MCPH1: variants seen among roughly 807,000 people sequenced by gnomAD.
MCPH1 encodes the protein microcephalin 1.
A neutral mutation model predicts 84.5 loss-of-function variants in MCPH1; 104 were observed. That is an observed-to-expected ratio of 1.23 (90% confidence interval 1.05 to 1.45). MCPH1 has a LOEUF of 1.45. MCPH1 is among the 40% of genes most tolerant of loss of function. The probability of loss-of-function intolerance (pLI) is 0.00; values close to 1 mark genes in which losing one functional copy is unlikely to be tolerated. For missense variants in MCPH1, 1,498 were observed against 1,005.7 expected (o/e 1.49, Z -6.62); for synonymous variants, 514 against 366.8 (o/e 1.40, Z -4.58).
chr8:6,585,323 T>C (rs550925279), intron 12 of MCPH1, among the ~76,000 whole-genome samples: 3 of 152,310 alleles, frequency 2.0e-5, no homozygotes, highest in Admixed American at 6.5e-5. Flanking sequence ...CCCAGGAGTT[T>C]CCTGTTTGAA....
chr8:6,595,737 A>G (rs942374912), intron 12 of MCPH1, among the ~76,000 whole-genome samples: 1 of 152,218 alleles, frequency 6.6e-6, no homozygotes, highest in Non-Finnish European at 1.5e-5. Context: ...TGCACTGTCC[A>G]ACAAGGTCTT....
At chr8:6,452,157 G>C (rs1304149799) in intron 8 of MCPH1, among the ~76,000 whole-genome samples, 2 of 152,010 alleles carry the variant, frequency 1.3e-5, no homozygotes, top group Non-Finnish European at 1.5e-5. Context: ...TCTTGCCCTG[G>C]ATCTGGCTCC....
rs1252024553 is a variant in MCPH1, at chr8:6,592,614, C to CTTTTTTTTTTT, written c.2215-28832_2215-28831insTTTTTTTTTTT. ...GTCATCTAGGCTCTCGTTTTTCTTTCTTTTTTTTGTTTTTTTTTTTTTTTT... is the reference window on the plus strand; with the variant it reads ...GTCATCTAGGCTCTCGTTTTTCTTTCTTTTTTTTTTTTTTTTTTTGTTTTTTTTTTTTTTTT... On this transcript the variant is annotated intron_variant, in intron 12 of 13. Transcript: ENST00000344683. 8.1e-4 allele frequency among the ~76,000 whole-genome samples: 53 copies of CTTTTTTTTTTT among 65,468 alleles called. 1 individual carries two copies. The highest frequency in any genetic ancestry group is 1.4e-3 in the East Asian group (2 of 1,394). 42.9% of individuals were successfully genotyped at this position (65,468 alleles called of 152,430 possible).
At chr8:6,427,400 C>G (rs920654195) in intron 3 of MCPH1, among the ~76,000 whole-genome samples, 2 of 152,114 alleles carry the variant, frequency 1.3e-5, no homozygotes, top group African/African-American at 4.8e-5. Flanking sequence ...AAGACAAGGT[C>G]TTGCTTTGTC....
At chr8:6,459,447 G>A (rs538799390) in intron 9 of MCPH1, among the ~76,000 whole-genome samples, 1 of 152,192 alleles carries the variant, frequency 6.6e-6, no homozygotes, top group Admixed American at 6.5e-5. Flanking sequence ...TATGTATAAG[G>A]ACATATTAAG....
intron 13 of MCPH1, chr8:6,626,478 T>TG (rs1238961330): frequency 8.2e-5 from 76 of 925,696 alleles, no homozygotes; most frequent in East Asian, 4.7e-4. Context: ...TGTTTTGTTT[T>TG]TTTTTTTTTT....
intron 12 of MCPH1, among the ~76,000 whole-genome samples, chr8:6,565,054 G>A (rs927252550): frequency 2.0e-5 from 3 of 152,130 alleles, no homozygotes; most frequent in East Asian, 1.9e-4. Context: ...ATACCCATCC[G>A]GACAGTGCAC....
Position 6,414,810 on chromosome 8 carries a change from G to T in MCPH1, c.160G>T (p.Asp54Tyr). ...NKQVTHVIFK[D>Y]GYQSTWDKAQ... ...ACAAGTAACTCACGTTATCTTCAAA[G>T]ATGGCTACCAGAGCACTTGGGACAA... Residue 54 changes from aspartate to tyrosine, a missense_variant, in exon 3 of 14, where the codon GAT becomes TAT. Physicochemically the swap from Asp to Tyr is radical, Grantham distance 160. Coordinates refer to ENST00000344683, the MANE Select transcript of MCPH1 (RefSeq NM_024596.5). The T allele has an allele frequency of 6.2e-7, 1 of 1,613,838 alleles. No homozygotes were observed. The highest frequency in any genetic ancestry group is 8.5e-7 in the Non-Finnish European group (1 of 1,179,916).
At chr8:6,507,545 C>G (rs868637240) in intron 12 of MCPH1, 9 of 147,920 alleles carry the variant, frequency 6.1e-5, no homozygotes, top group Non-Finnish European at 1.3e-4. Context: ...AAACTTTTAA[C>G]AAATCAGAAA....
At chr8:6,561,705 G>C (rs1825566660) in intron 12 of MCPH1, among the ~76,000 whole-genome samples, 1 of 152,174 alleles carries the variant, frequency 6.6e-6, no homozygotes, top group African/African-American at 2.4e-5. Context: ...ACTTCCTTTA[G>C]AATATATATA....
intron 12 of MCPH1, among the ~76,000 whole-genome samples, chr8:6,611,858 T>A (rs1394895115): frequency 6.6e-6 from 1 of 152,180 alleles, no homozygotes; most frequent in East Asian, 1.9e-4. Context: ...GACCTCGTGA[T>A]CCACCCACCT....
chr8:6,639,866 T>C (rs994221083), intron 13 of MCPH1, among the ~76,000 whole-genome samples: 8 of 152,072 alleles, frequency 5.3e-5, no homozygotes, highest in Non-Finnish European at 8.8e-5. Flanking sequence ...CTGTAATTAA[T>C]TTATGTGCTT....
chr8:6,584,271 G>A (rs767945934), intron 12 of MCPH1, among the ~76,000 whole-genome samples: 2 of 152,160 alleles, frequency 1.3e-5, no homozygotes, highest in African/African-American at 2.4e-5. Flanking sequence ...GCAGCTACCC[G>A]TCTGGGATGT....
intron 12 of MCPH1, among the ~76,000 whole-genome samples, chr8:6,555,248 G>A (rs559382360): frequency 5.3e-5 from 8 of 152,142 alleles, no homozygotes; most frequent in African/African-American, 1.2e-4. Flanking sequence ...CAATCAAACC[G>A]TTTTCAAACT....
intron 12 of MCPH1, among the ~76,000 whole-genome samples, chr8:6,510,966 C>G (rs897824609): frequency 1.4e-4 from 21 of 152,202 alleles, no homozygotes; most frequent in African/African-American, 4.8e-4. Context: ...AAATACTCAT[C>G]TCTGTTGGGA....
chr8:6,408,639 T>C (rs1366973358), intron 1 of MCPH1, among the ~76,000 whole-genome samples: 1 of 151,240 alleles, frequency 6.6e-6, no homozygotes, highest in Non-Finnish European at 1.5e-5. Context: ...CTCTAGGGAT[T>C]CTCCCACCTC....
intron 12 of MCPH1, among the ~76,000 whole-genome samples, chr8:6,604,488 A>T (rs1395458481): frequency 6.6e-6 from 1 of 151,922 alleles, no homozygotes; most frequent in Non-Finnish European, 1.5e-5. Flanking sequence ...ACATGTCAGA[A>T]TTCTCCAGCC....
intron 12 of MCPH1, among the ~76,000 whole-genome samples, chr8:6,516,094 C>A (rs1178448206): frequency 1.3e-5 from 2 of 152,162 alleles, no homozygotes; most frequent in Non-Finnish European, 2.9e-5. Flanking sequence ...CAGTGGCACT[C>A]ATGTTTGGAA....
chr8:6,481,911 G>A (rs1338337547), intron 11 of MCPH1, among the ~76,000 whole-genome samples: 1 of 152,164 alleles, frequency 6.6e-6, no homozygotes, highest in Non-Finnish European at 1.5e-5. Flanking sequence ...AATATTAAAT[G>A]GGAAATCCCA....
Sources: allele counts gnomAD v4.1 joint callset (sites outside exome capture counted in the v4.1 genomes callset), GRCh38; gene constraint gnomAD v4.1.1; transcripts MANE v1.5; gene names NCBI Gene and HGNC (gene_info 2026-07-23, HGNC 2026-07-21).